Variants in AUTS2 observed in about 807,000 individuals in gnomAD.
The protein encoded by AUTS2 is activator of transcription and developmental regulator AUTS2.
A neutral mutation model predicts 112.4 loss-of-function variants in AUTS2; 17 were observed. The ratio of observed to expected loss-of-function variants is 0.15; its 90% CI spans 0.10 to 0.23. The LOEUF is 0.23. AUTS2 is among the 10% of genes least tolerant of loss of function. The probability of loss-of-function intolerance (pLI) is 1.00; values close to 1 mark genes in which losing one functional copy is unlikely to be tolerated. For synonymous variants in AUTS2, 751 were observed against 702.7 expected, an observed-to-expected ratio of 1.07 and a Z score of -1.09; for missense variants, 1,510 against 1,701.6, an observed-to-expected ratio of 0.89 and a Z score of 1.98.
At chr7:70,230,742 ATTAATTTTC>A (rs1412831517) in intron 4 of AUTS2, among the ~76,000 whole-genome samples, 1 of 152,334 alleles carries the variant, frequency 6.6e-6, no homozygotes, top group Admixed American at 6.5e-5. Context: ...GGATCTGCCT[ATTAATTTTC>A]TGACTGGCCT....
intron 5 of AUTS2, among the ~76,000 whole-genome samples, chr7:70,643,398 C>T (rs749278120): frequency 1.4e-4 from 21 of 152,286 alleles, no homozygotes; most frequent in South Asian, 4.1e-4. Flanking sequence ...GGGTGAAACC[C>T]CGTCTCTACT....
chr7:70,729,437 T>C (rs1168722305), intron 6 of AUTS2, among the ~76,000 whole-genome samples: 1 of 152,210 alleles, frequency 6.6e-6, no homozygotes, highest in African/African-American at 2.4e-5. Flanking sequence ...CAGGAACGTG[T>C]CCCTACCTGG....
At chr7:70,736,593 A>C (rs922025073) in intron 6 of AUTS2, among the ~76,000 whole-genome samples, 9 of 152,170 alleles carry the variant, frequency 5.9e-5, no homozygotes, top group Non-Finnish European at 1.2e-4. Flanking sequence ...TTTAATGCAT[A>C]AATTAGTTGA....
intron 1 of AUTS2, among the ~76,000 whole-genome samples, chr7:69,806,403 G>T (rs1032763106): frequency 6.6e-6 from 1 of 151,914 alleles, no homozygotes. Context: ...TTCTAAGGGC[G>T]TTATACTTGT....
At chr7:69,699,833 C>T (rs983706086) in intron 1 of AUTS2, among the ~76,000 whole-genome samples, 3 of 151,838 alleles carry the variant, frequency 2.0e-5, no homozygotes, top group East Asian at 1.9e-4. Context: ...TTAGTAAAGA[C>T]GGGGTTTCGC....
rs777405806 is a variant in AUTS2 at position 70,787,354 on chromosome 7, C to T, written c.2454C>T (p.Ser818=). Residue 818 remains serine (S), a synonymous_variant, in exon 18 of 19, where the codon AGC becomes AGT. Transcript: ENST00000342771. ...TGAAGCCAGGGGAGCTGGAGCGCAG[C>T]GCGTCCGCTGCAGCTCATGACAGAG... The part of the protein sequence containing the change: ...PWLKPGELER[S]ASAAAHDRDR... 12 of 1,613,938 alleles carry T rather than the reference C, an allele frequency of 7.4e-6. No individual in the cohort carries two copies. The Admixed American group carries it at 1.5e-4, about 20-fold the overall frequency.
chr7:69,908,498 A>G (rs943035120), intron 2 of AUTS2, among the ~76,000 whole-genome samples: 3 of 152,216 alleles, frequency 2.0e-5, no homozygotes, highest in African/African-American at 7.2e-5. Context: ...GCAGAAACCA[A>G]AATAGCTCAC....
chr7:70,187,022 A>G (rs1289013361), intron 4 of AUTS2, among the ~76,000 whole-genome samples: 2 of 152,262 alleles, frequency 1.3e-5, no homozygotes, highest in Non-Finnish European at 2.9e-5. Context: ...AGCAGGATTC[A>G]AACTGAGGTA....
At chr7:70,657,997 CATACTCT>C (rs1806864591) in intron 5 of AUTS2, among the ~76,000 whole-genome samples, 1 of 152,166 alleles carries the variant, frequency 6.6e-6, no homozygotes, top group Non-Finnish European at 1.5e-5. Flanking sequence ...TTTGAGGCAC[CATACTCT>C]ATCTGCCCAA....
chr7:70,093,835 T>C (rs1279354556), intron 2 of AUTS2, among the ~76,000 whole-genome samples: 1 of 152,238 alleles, frequency 6.6e-6, no homozygotes, highest in African/African-American at 2.4e-5. Context: ...CCAATAACCT[T>C]TGAAGAATTT....
At chr7:70,645,439 C>A (rs1806105025) in intron 5 of AUTS2, among the ~76,000 whole-genome samples, 1 of 152,138 alleles carries the variant, frequency 6.6e-6, no homozygotes, top group East Asian at 1.9e-4. Flanking sequence ...TCTCTCCACA[C>A]CACCAGATGG....
intron 4 of AUTS2, among the ~76,000 whole-genome samples, chr7:70,160,424 A>G (rs1483679629): frequency 1.3e-5 from 2 of 152,192 alleles, no homozygotes; most frequent in East Asian, 1.9e-4. Context: ...TTGATGTCAG[A>G]TTTCACCTAC....
At chr7:70,097,268 A>AT (rs1804254043) in intron 2 of AUTS2, among the ~76,000 whole-genome samples, 1 of 152,208 alleles carries the variant, frequency 6.6e-6, no homozygotes, top group African/African-American at 2.4e-5. Flanking sequence ...TGCATGTTGT[A>AT]TTTGCATGAA....
intron 4 of AUTS2, among the ~76,000 whole-genome samples, chr7:70,364,970 C>T (rs1278158662): frequency 1.3e-5 from 2 of 152,168 alleles, no homozygotes; most frequent in South Asian, 2.1e-4. Context: ...GTAAAGTTGG[C>T]GTGCTACTTC....
At chr7:70,289,107 G>T (rs1236781184) in intron 4 of AUTS2, among the ~76,000 whole-genome samples, 1 of 152,146 alleles carries the variant, frequency 6.6e-6, no homozygotes, top group East Asian at 1.9e-4. Context: ...CTTAGTTTGT[G>T]ATTTATAGAT....
At chr7:69,811,378 A>C (rs1790536248) in intron 1 of AUTS2, among the ~76,000 whole-genome samples, 1 of 152,108 alleles carries the variant, frequency 6.6e-6, no homozygotes, top group Admixed American at 6.5e-5. Flanking sequence ...TGATGGATAC[A>C]GGACAGTCTT....
rs540986130 is a variant in AUTS2 at position 70,394,057 on chromosome 7, T to C, written c.661-41695T>C. Among the ~76,000 whole-genome samples the C allele has an allele frequency of 4.6e-5, 7 of 152,346 alleles. No individual in the cohort carries two copies. In the South Asian group the frequency reaches 1.5e-3, roughly 32 times the overall value. Reference sequence around the variant, plus strand: ...GCCTGGTAGCTGTCTCCCTGAAGGTTTTACCAGTTGTTTTGGAAGGCTGGC... The same window carrying C: ...GCCTGGTAGCTGTCTCCCTGAAGGTCTTACCAGTTGTTTTGGAAGGCTGGC... On this transcript the variant is annotated intron_variant, in intron 4 of 18. Transcript: ENST00000342771.
At chr7:69,618,176 C>T (rs945142879) in intron 1 of AUTS2, among the ~76,000 whole-genome samples, 1 of 152,188 alleles carries the variant, frequency 6.6e-6, no homozygotes, top group African/African-American at 2.4e-5. Flanking sequence ...TGCACTGAGC[C>T]TCTGACAAAG....
chr7:70,258,135 A>G (rs1343273605), intron 4 of AUTS2, among the ~76,000 whole-genome samples: 3 of 152,166 alleles, frequency 2.0e-5, no homozygotes, highest in Non-Finnish European at 4.4e-5. Flanking sequence ...GCAGGGCTGT[A>G]ATGTGTTGTC....
Sources: gnomAD v4.1 joint callset for allele counts (sites outside exome capture counted in the v4.1 genomes callset) on GRCh38, gnomAD v4.1.1 for gene constraint, MANE v1.5 for transcripts, NCBI Gene and HGNC (gene_info 2026-07-23, HGNC 2026-07-21) for gene names.